MYH14: variants seen among roughly 807,000 people sequenced by gnomAD.
MYH14 encodes myosin heavy chain 14.
In MYH14, 123 loss-of-function variants were observed where a neutral mutation model predicts 255.5. That is an observed-to-expected ratio of 0.48 (90% CI 0.42 to 0.56). MYH14 has a LOEUF of 0.56. Ranked by LOEUF, MYH14 falls within the 20% of genes least tolerant of loss-of-function variation. The probability of loss-of-function intolerance (pLI) is 0.00; values close to 1 mark genes in which losing one functional copy is unlikely to be tolerated. For missense variants in MYH14, 2,423 were observed against 2,802.3 expected, an observed-to-expected ratio of 0.86 and a Z score of 3.06; for synonymous variants, 1,095 against 1,161.2, an observed-to-expected ratio of 0.94 and a Z score of 1.16.
intron 39 of MYH14, among the ~76,000 whole-genome samples, chr19:50,297,634 T>C (rs1221505014): frequency 1.3e-5 from 2 of 150,794 alleles, no homozygotes; most frequent in Non-Finnish European, 2.9e-5. Context: ...AGTAGCTGGA[T>C]TACAGGCGCC....
At chr19:50,212,504 G>A (rs1245588766) in intron 2 of MYH14, among the ~76,000 whole-genome samples, 3 of 152,218 alleles carry the variant, frequency 2.0e-5, no homozygotes, top group Non-Finnish European at 2.9e-5. Context: ...TGATGTTCAG[G>A]ATGTTAAGTG....
rs774096368 is a variant in MYH14, at chr19:50,309,065, G to C, written c.5848G>C (p.Glu1950Gln). 9.3e-6 allele frequency: 15 copies of C among 1,613,856 alleles called. No homozygotes were observed. The highest frequency in any genetic ancestry group is 1.3e-5 in the Non-Finnish European group (15 of 1,179,818). Reference protein sequence around the residue: ...LKRQLEEAEEEASRAQAGRRR... With the variant: ...LKRQLEEAEEQASRAQAGRRR... Reference sequence around the variant, plus strand: ...GCGGCAGCTGGAGGAGGCCGAGGAGGAGGCATCCCGGGCTCAGGCCGGCCG... The same window carrying C: ...GCGGCAGCTGGAGGAGGCCGAGGAGCAGGCATCCCGGGCTCAGGCCGGCCG... Residue 1950 changes from glutamate to glutamine, a missense_variant, in exon 42 of 43, where the codon GAG (glutamate) becomes CAG (glutamine). Physicochemically the swap from Glu to Gln is conservative, Grantham distance 29. Coordinates refer to ENST00000642316, the MANE Select transcript of MYH14 (RefSeq NM_001145809.2).
intron 2 of MYH14, among the ~76,000 whole-genome samples, chr19:50,216,240 C>T (rs750543445): frequency 1.7e-4 from 26 of 152,006 alleles, no homozygotes; most frequent in Non-Finnish European, 3.5e-4. Context: ...TTTGGGAGGC[C>T]GAGGTGGGCA....
intron 40 of MYH14, among the ~76,000 whole-genome samples, chr19:50,303,840 G>A (rs566209499): frequency 3.3e-5 from 5 of 152,286 alleles, no homozygotes; most frequent in African/African-American, 1.2e-4. Context: ...GGCTGAAAGA[G>A]TTTCCATCTC....
chr19:50,303,981 T>C (rs983952152), intron 40 of MYH14, among the ~76,000 whole-genome samples: 3 of 152,242 alleles, frequency 2.0e-5, no homozygotes, highest in Non-Finnish European at 4.4e-5. Context: ...ATTTTCCTAT[T>C]GCTCAGTACT....
intron 1 of MYH14, among the ~76,000 whole-genome samples, chr19:50,207,272 A>AGAG (rs1491306589): frequency 6.3e-5 from 1 of 15,876 alleles, no homozygotes; most frequent in Non-Finnish European, 1.1e-4. Flanking sequence ...AGAGAGAGAC[A>AGAG]GAGAGAGAGA....
At chr19:50,269,405 C>T (rs1336480221) in intron 24 of MYH14, among the ~76,000 whole-genome samples, 1 of 152,218 alleles carries the variant, frequency 6.6e-6, no homozygotes, top group African/African-American at 2.4e-5. Context: ...TGGTCTCGAA[C>T]TCCTGACCTC....
At position 50,286,646 on chromosome 19, in the gene MYH14, G is replaced by C. The variant is rs1182374554; in HGVS notation, c.4704G>C (p.Arg1568=). ...TGGAGCGGCAGAACCGGGCCCTGCG[G>C]GCTGAGCTGGAGGCACTGCTGAGCA... is the stretch of plus-strand genomic sequence containing the variant. ...EELERQNRAL[R]AELEALLSSK... is the part of the protein sequence containing the mutation. Residue 1568 remains arginine (R), a synonymous_variant, in exon 34 of 43, where the codon CGG becomes CGC. Coordinates refer to ENST00000642316, the MANE Select transcript of MYH14 (RefSeq NM_001145809.2). The C allele has an allele frequency of 6.3e-7, 1 of 1,589,300 alleles. No individual in the cohort carries two copies. Among genetic ancestry groups the C allele is most frequent in the East Asian group, 2.3e-5 (1 of 43,864 alleles).
rs1258243632 is a variant in MYH14 at position 50,260,789 on chromosome 19, G to GTGCA, written c.2424+80_2424+83dup. On this transcript the variant is annotated intron_variant, in intron 20 of 42. Transcript: ENST00000642316. Reference sequence around the variant, plus strand: ...TGCATGAGTGTGCGTGCATGTGTGTGTGCATGCATATGTGTGCATGCGTGT... The same window carrying GTGCA: ...TGCATGAGTGTGCGTGCATGTGTGTGTGCATGCATGCATATGTGTGCATGCGTGT... 2.0e-4 allele frequency: 235 copies of GTGCA among 1,155,652 alleles called. 1 individual carries two copies. Among genetic ancestry groups the GTGCA allele is most frequent in the Middle Eastern group, 1.5e-3 (8 of 5,214 alleles). 71.6% of individuals were successfully genotyped at this position (1,155,652 alleles called of 1,614,324 possible).
At chr19:50,307,576 G>A (rs1389867023) in intron 41 of MYH14, among the ~76,000 whole-genome samples, 2 of 152,210 alleles carry the variant, frequency 1.3e-5, no homozygotes, top group African/African-American at 4.8e-5. Context: ...GAAAGGTGAA[G>A]TAACTTGCTC....
At chr19:50,256,586 C>G (rs936004154) in intron 17 of MYH14, among the ~76,000 whole-genome samples, 1 of 152,162 alleles carries the variant, frequency 6.6e-6, no homozygotes, top group Admixed American at 6.5e-5. Context: ...GTTGGCCAGG[C>G]TGGCCTCGAA....
At chr19:50,224,032 T>TTGG in intron 5 of MYH14, 122 bp from the exon 6 acceptor site, 1 of 610,332 alleles carries the variant, frequency 1.6e-6, no homozygotes, top group Non-Finnish European at 3.0e-6. Context: ...ATGCCCGGTT[T>TTGG]CCCCAGTCCC....
At chr19:50,290,364 C>T (rs1269360112) in intron 35 of MYH14, among the ~76,000 whole-genome samples, 3 of 152,162 alleles carry the variant, frequency 2.0e-5, no homozygotes, top group Non-Finnish European at 4.4e-5. Context: ...TCGTTCAGTC[C>T]AGGAACTTCC....
intron 27 of MYH14, among the ~76,000 whole-genome samples, chr19:50,273,239 C>T (rs542641125): frequency 2.4e-4 from 32 of 135,908 alleles, no homozygotes; most frequent in Non-Finnish European, 4.7e-4. Flanking sequence ...TGCAGTGAGC[C>T]GAGATCACAC....
At chr19:50,222,831 G>A (rs2032903740) in intron 3 of MYH14, among the ~76,000 whole-genome samples, 1 of 152,174 alleles carries the variant, frequency 6.6e-6, no homozygotes, top group Non-Finnish European at 1.5e-5. Flanking sequence ...CTTCAGTTGA[G>A]GGAGGCTGTC....
At chr19:50,285,309 C>G (rs1243401204) in intron 33 of MYH14, 1 of 152,220 alleles carries the variant, frequency 6.6e-6, no homozygotes, top group Non-Finnish European at 1.5e-5. Context: ...CAATTTGGAA[C>G]TGTGTTGAAT....
Position 50,276,070 on chromosome 19 carries a change from G to C in MYH14, c.3547G>C (p.Glu1183Gln). 6.2e-7 allele frequency: 1 copy of C among 1,611,586 alleles called. No individual in the cohort carries two copies. The highest frequency in any genetic ancestry group is 8.5e-7 in the Non-Finnish European group (1 of 1,179,284). The change falls in exon 28 of 43, where the codon GAG becomes CAG. Residue 1183 changes from glutamate (E) to glutamine (Q), a missense_variant. Physicochemically the swap from Glu to Gln is conservative, Grantham distance 29. This residue lies in a region of MYH14 where 1,513 missense variants were observed against 1,674.8 expected (regional missense o/e 0.90). Coordinates refer to ENST00000642316, the MANE Select transcript of MYH14 (RefSeq NM_001145809.2). The surrounding 1 kb of genome is among the most constrained non-coding windows in gnomAD (Gnocchi z 4.3). ...TCAAGCAGCCCTGGCCGAGGCCCAGGAGGACCTGGAGTCTGAGCGTGTGGC... is the reference window on the plus strand; with the variant it reads ...TCAAGCAGCCCTGGCCGAGGCCCAGCAGGACCTGGAGTCTGAGCGTGTGGC... Reference protein sequence around the residue: ...EAQAALAEAQEDLESERVART... With the variant: ...EAQAALAEAQQDLESERVART...
rs959237814 is a variant in MYH14, at chr19:50,260,756, T to C, written c.2424+41T>C. The C allele has an allele frequency of 4.8e-6, 7 of 1,470,046 alleles. No individual in the cohort carries two copies. In the African/African-American group the frequency reaches 8.0e-5, roughly 17 times the overall value. 91.1% of individuals were successfully genotyped at this position (1,470,046 alleles called of 1,614,324 possible). On this transcript the variant is annotated intron_variant, in intron 20 of 42. Transcript: ENST00000642316. ...CCTGGAATGCGTGTGTGCGTGTGTG[T>C]GTGTGCGTGCATGAGTGTGCGTGCA...
Position 50,292,283 on chromosome 19 carries a change from G to T in MYH14, c.5150G>T (p.Arg1717Leu), listed in dbSNP as rs765221367. ...CAGGCCCAGATGAAGGAGCTATGGC[G>T]GGAGGTGGAGGAGACACGCACCTCC... ...KMQAQMKELW[R>L]EVEETRTSRE... Residue 1717 changes from arginine (R) to leucine (L), a missense_variant, in exon 37 of 43, where the codon CGG becomes CTG. Coordinates refer to ENST00000642316, the MANE Select transcript of MYH14 (RefSeq NM_001145809.2). 1 of 1,602,978 alleles carries T rather than the reference G, an allele frequency of 6.2e-7. No homozygotes were observed. Among genetic ancestry groups the T allele is most frequent in the East Asian group, 2.3e-5 (1 of 44,382 alleles).
Sources: gnomAD v4.1 joint callset for allele counts (sites outside exome capture counted in the v4.1 genomes callset) on GRCh38, gnomAD v4.1.1 for gene constraint, gnomAD v4.1.1 regional missense constraint, Gnocchi (gnomAD v3.1) non-coding constraint, MANE v1.5 for transcripts, NCBI Gene and HGNC (gene_info 2026-07-23, HGNC 2026-07-21) for gene names.